ZSWIM9: variants seen among roughly 807,000 people sequenced by gnomAD.
ZSWIM9 encodes zinc finger SWIM-type containing 9.
A neutral mutation model predicts 25.0 loss-of-function variants in ZSWIM9; 11 were observed. That is an observed-to-expected ratio of 0.44 (90% CI 0.28 to 0.73). The LOEUF (loss-of-function observed/expected upper bound fraction) is 0.73. Among genes scored for constraint, ZSWIM9 ranks in the 30% least tolerant of loss-of-function variants. ZSWIM9 has a pLI of 0.16. For synonymous variants in ZSWIM9, 562 were observed against 582.1 expected, an observed-to-expected ratio of 0.97 and a Z score of 0.50; for missense variants, 1,070 against 1,296.5, an observed-to-expected ratio of 0.83 and a Z score of 2.68.
rs1283901639 is a variant in ZSWIM9, at chr19:48,189,888, ATAAT to A, written c.589-4759_589-4756del. On this transcript the variant is annotated intron_variant, in intron 3 of 3. Coordinates refer to ENST00000614654, the MANE Select transcript of ZSWIM9 (RefSeq NM_199341.4). ...ACCATGTGGATGTTTGCATATTCAA[ATAAT>A]TAATTCTTAAAAAGAAGATGAAAAT... Among the ~76,000 whole-genome samples, 8 of 152,168 alleles carry A rather than the reference ATAAT, an allele frequency of 5.3e-5. No individual in the cohort carries two copies. In the East Asian group the frequency reaches 1.3e-3, roughly 26 times the overall value.
intron 2 of ZSWIM9, among the ~76,000 whole-genome samples, chr19:48,180,472 A>C (rs1453478586): frequency 3.3e-5 from 5 of 152,154 alleles, no homozygotes; most frequent in African/African-American, 1.2e-4. Context: ...CCATCTTTAA[A>C]GCTAGAAGGT....
Position 48,194,935 on chromosome 19 carries a change from T to A in ZSWIM9, c.871T>A (p.Cys291Ser). The change falls in exon 4 of 4, where the codon TGC (cysteine) becomes AGC (serine). Residue 291 changes from cysteine (C) to serine (S), a missense_variant. Coordinates refer to ENST00000614654, the MANE Select transcript of ZSWIM9 (RefSeq NM_199341.4). This position sits in a 1 kb window ranked among gnomAD's most constrained non-coding sequence, Gnocchi z 6.0. ...SAPDVKGRVR[C>S]LTAGPEVAAQ... ...GCCAGACGTCAAGGGCCGCGTGCGC[T>A]GCCTCACCGCCGGGCCCGAGGTGGC... 1 of 1,320,072 alleles carries A rather than the reference T, an allele frequency of 7.6e-7. No individual in the cohort carries two copies. The allele number at this position is 1,320,072 out of a possible 1,614,324, so 81.8% of individuals were successfully genotyped here. A position where few individuals can be genotyped will look rare whatever the true frequency, so the allele number is the denominator to read the frequency against.
At chr19:48,173,905 G>C (rs549070902) in intron 2 of ZSWIM9, among the ~76,000 whole-genome samples, 1 of 152,342 alleles carries the variant, frequency 6.6e-6, no homozygotes, top group African/African-American at 2.4e-5. Flanking sequence ...TGGGATTACA[G>C]GTGTGAGCCA....
intron 3 of ZSWIM9, among the ~76,000 whole-genome samples, chr19:48,187,518 T>C: frequency 1.2e-5 from 1 of 84,580 alleles, no homozygotes; most frequent in East Asian, 2.9e-4. Flanking sequence ...ATATTATATA[T>C]ATTATATATT....
intron 3 of ZSWIM9, among the ~76,000 whole-genome samples, chr19:48,192,314 G>C (rs1430798870): frequency 6.7e-6 from 1 of 149,994 alleles, no homozygotes; most frequent in Non-Finnish European, 1.5e-5. Flanking sequence ...GCCAGGCGTG[G>C]TGGCGGGCAC....
At chr19:48,190,420 G>A (rs2037079933) in intron 3 of ZSWIM9, 1 of 154,732 alleles carries the variant, frequency 6.5e-6, no homozygotes, top group Admixed American at 6.6e-5. Flanking sequence ...CAGCCACCAC[G>A]GGATGTTGGG....
chr19:48,190,608 G>T (rs577525219), intron 3 of ZSWIM9: 1 of 154,840 alleles, frequency 6.5e-6, no homozygotes, highest in Non-Finnish European at 1.5e-5. Context: ...TACCTGCAAG[G>T]GGGCAGGGAG....
At chr19:48,191,034 A>G (rs957338813) in intron 3 of ZSWIM9, among the ~76,000 whole-genome samples, 6 of 151,992 alleles carry the variant, frequency 3.9e-5, no homozygotes, top group African/African-American at 1.4e-4. Context: ...AAATGGGGAT[A>G]ATACTATCTT....
intron 3 of ZSWIM9, among the ~76,000 whole-genome samples, chr19:48,192,838 C>T (rs997616727): frequency 6.6e-6 from 1 of 152,058 alleles, no homozygotes; most frequent in East Asian, 1.9e-4. Context: ...CCACACAAGG[C>T]GACCCCATCA....
At chr19:48,179,553 C>T (rs987883572) in intron 2 of ZSWIM9, among the ~76,000 whole-genome samples, 6 of 152,176 alleles carry the variant, frequency 3.9e-5, no homozygotes, top group Admixed American at 1.3e-4. Context: ...GTCTGAGAAC[C>T]GCTGTCCTAG....
chr19:48,182,328 C>G lies in ZSWIM9; in HGVS notation c.276-127C>G, dbSNP rs778677484. 5.1e-6 allele frequency: 4 copies of G among 790,898 alleles called. No homozygotes were observed. Among genetic ancestry groups the G allele is most frequent in the African/African-American group, 1.8e-5 (1 of 56,048 alleles). The allele number at this position is 790,898 out of a possible 1,614,324, so 49.0% of individuals were successfully genotyped here. On this transcript the variant is annotated intron_variant, in intron 2 of 3. Transcript: ENST00000614654. This position sits in a 1 kb window ranked among gnomAD's most constrained non-coding sequence, Gnocchi z 4.6. ...CCCCAGGTCACACAGCTGGCATATT[C>G]TTAGGGCCCTCTACTCTTCTCTATG...
chr19:48,185,242 C>T (rs919403999), intron 3 of ZSWIM9, among the ~76,000 whole-genome samples: 6 of 151,128 alleles, frequency 4.0e-5, no homozygotes, highest in South Asian at 4.2e-4. Context: ...CGGGTTCAAA[C>T]GATTCTCCTG....
chr19:48,197,307 A>G lies in ZSWIM9; in HGVS notation c.*480A>G. 1.4e-6 allele frequency: 1 copy of G among 702,560 alleles called. No homozygotes were observed. Among genetic ancestry groups the G allele is most frequent in the South Asian group, 1.5e-5 (1 of 67,558 alleles). The allele number at this position is 702,560 out of a possible 1,614,324, so 43.5% of individuals were successfully genotyped here. The stretch of plus-strand genomic sequence containing the variant: ...AAATGGAAAGGGGAGCCGGAAATGG[A>G]GGAGAGAGGACAAGCAAAGAGACAG... On this transcript the variant is annotated 3_prime_UTR_variant, in exon 4 of 4. Coordinates refer to ENST00000614654, the MANE Select transcript of ZSWIM9 (RefSeq NM_199341.4).
At position 48,182,415 on chromosome 19, in the gene ZSWIM9, C is replaced by T; in HGVS notation, c.276-40C>T. ...TGAGTGGAAAGGAAGAAGAGGGCAG[C>T]AGAGTGATGTGACCAGGGCGGTGGT... On this transcript the variant is annotated intron_variant, in intron 2 of 3. Coordinates refer to ENST00000614654, the MANE Select transcript of ZSWIM9 (RefSeq NM_199341.4). This position sits in a 1 kb window ranked among gnomAD's most constrained non-coding sequence, Gnocchi z 4.6. 1 of 1,453,816 alleles carries T rather than the reference C, an allele frequency of 6.9e-7. No individual in the cohort carries two copies. Among genetic ancestry groups the T allele is most frequent in the South Asian group, 1.3e-5 (1 of 78,048 alleles). 90.1% of individuals were successfully genotyped at this position (1,453,816 alleles called of 1,614,324 possible).
chr19:48,197,435 A>C lies in ZSWIM9; in HGVS notation c.*608A>C. 1.7e-6 allele frequency: 1 copy of C among 601,234 alleles called. No homozygotes were observed. 37.2% of individuals were successfully genotyped at this position (601,234 alleles called of 1,614,324 possible). On this transcript the variant is annotated 3_prime_UTR_variant, in exon 4 of 4. Coordinates refer to ENST00000614654, the MANE Select transcript of ZSWIM9 (RefSeq NM_199341.4). ...ATGAGACAAAAGAAATGTGTGGGAG[A>C]CGGGTAGAGACGAAATGCAAGGGGC...
chr19:48,188,781 C>T lies in ZSWIM9; in HGVS notation c.589-5872C>T, dbSNP rs369986300. On this transcript the variant is annotated intron_variant, in intron 3 of 3. Transcript: ENST00000614654. ...GCGTGATGGCTCACACCTGTAAGCC[C>T]AGCACTTTGGGAGGCTGAGGCGGGT... 2.8e-4 allele frequency among the ~76,000 whole-genome samples: 43 copies of T among 152,150 alleles called. No homozygotes were observed. In the East Asian group the frequency reaches 6.6e-3, roughly 23 times the overall value.
intron 2 of ZSWIM9, among the ~76,000 whole-genome samples, chr19:48,180,317 T>C (rs1260965819): frequency 7.0e-6 from 1 of 143,816 alleles, no homozygotes; most frequent in Admixed American, 7.1e-5. Context: ...CGCCAGGCCA[T>C]TCTTCCAATT....
chr19:48,195,814 G>A lies in ZSWIM9; in HGVS notation c.1750G>A (p.Asp584Asn). 3 of 1,493,740 alleles carry A rather than the reference G, an allele frequency of 2.0e-6. No individual in the cohort carries two copies. Among genetic ancestry groups the A allele is most frequent in the Middle Eastern group, 1.7e-4 (1 of 5,752 alleles). The allele number at this position is 1,493,740 out of a possible 1,614,324, so 92.5% of individuals were successfully genotyped here. A position where few individuals can be genotyped will look rare whatever the true frequency, so the allele number is the denominator to read the frequency against. Reference sequence around the variant, plus strand: ...TGTCTGGAGGGGGTCCCAGTTGGAGGACCAGGCGCTAAGAGGATTGGAAGG... The same window carrying A: ...TGTCTGGAGGGGGTCCCAGTTGGAGAACCAGGCGCTAAGAGGATTGGAAGG... Reference protein sequence around the residue: ...GYVWRGSQLEDQALRGLEGYT... With the variant: ...GYVWRGSQLENQALRGLEGYT... The change falls in exon 4 of 4, where the codon GAC becomes AAC. Residue 584 changes from aspartate to asparagine, a missense_variant. By Grantham distance (23) the Asp-to-Asn change is conservative. Around this residue, in one of 4 missense-constraint regions of ZSWIM9, gnomAD observed 583 missense variants for 624.7 expected, o/e 0.93. Transcript: ENST00000614654. The surrounding 1 kb of genome is among the most constrained non-coding windows in gnomAD (Gnocchi z 5.8).
intron 3 of ZSWIM9, chr19:48,187,557 TTA>T (rs2037040656): frequency 3.6e-5 from 1 of 27,826 alleles, no homozygotes; most frequent in Non-Finnish European, 7.9e-5. Context: ...ATTATATATA[TTA>T]TATATAATAT....
Sources: allele counts gnomAD v4.1 joint callset (sites outside exome capture counted in the v4.1 genomes callset), GRCh38; gene constraint gnomAD v4.1.1; regional missense constraint gnomAD v4.1.1; non-coding constraint Gnocchi (gnomAD v3.1); transcripts MANE v1.5; gene names NCBI Gene and HGNC (gene_info 2026-07-23, HGNC 2026-07-21).